KDM4C: variants seen among roughly 807,000 people sequenced by gnomAD.
KDM4C encodes lysine demethylase 4C, also known as lysine-specific demethylase 4C.
Under a neutral mutation model 129.3 loss-of-function variants are expected in KDM4C, and 81 were observed. That is an observed-to-expected ratio of 0.63 (90% CI 0.52 to 0.75). The LOEUF (loss-of-function observed/expected upper bound fraction) is 0.75. Among genes scored for constraint, KDM4C ranks in the 30% least tolerant of loss-of-function variants. KDM4C has a pLI of 0.00. For missense variants in KDM4C, 1,457 were observed against 1,304.0 expected (o/e 1.12, Z -1.81); for synonymous variants, 573 against 456.1 (o/e 1.26, Z -3.26).
intron 17 of KDM4C, among the ~76,000 whole-genome samples, chr9:7,071,466 A>G (rs1471678798): frequency 6.6e-6 from 1 of 152,162 alleles, no homozygotes; most frequent in Non-Finnish European, 1.5e-5. Flanking sequence ...AAGAATAGAA[A>G]TTTCAGGACT....
chr9:7,098,802 G>A (rs1836746081), intron 17 of KDM4C, among the ~76,000 whole-genome samples: 1 of 152,138 alleles, frequency 6.6e-6, no homozygotes. Flanking sequence ...CCTCTTTACT[G>A]TAGAACTCAG....
At chr9:6,762,289 C>T (rs1184945824) in intron 1 of KDM4C, among the ~76,000 whole-genome samples, 4 of 151,904 alleles carry the variant, frequency 2.6e-5, no homozygotes, top group East Asian at 3.9e-4. Context: ...TGATGTTCCC[C>T]TCCCTGTGTC....
At chr9:6,806,033 C>T (rs924837944) in intron 3 of KDM4C, among the ~76,000 whole-genome samples, 4 of 152,012 alleles carry the variant, frequency 2.6e-5, no homozygotes, top group East Asian at 1.9e-4. Context: ...CATGAGTTTT[C>T]GTTTCTACAC....
At chr9:6,949,961 G>A (rs920278455) in intron 8 of KDM4C, among the ~76,000 whole-genome samples, 1 of 151,452 alleles carries the variant, frequency 6.6e-6, no homozygotes, top group Admixed American at 6.6e-5. Flanking sequence ...TAAGGCTCAA[G>A]TATAACTAGC....
At chr9:6,883,803 G>A (rs1249224062) in intron 6 of KDM4C, among the ~76,000 whole-genome samples, 3 of 152,088 alleles carry the variant, frequency 2.0e-5, no homozygotes, top group African/African-American at 7.2e-5. Context: ...ACTCTGACCA[G>A]TTTGATCCCA....
chr9:7,137,406 C>T (rs1841326932), intron 19 of KDM4C, among the ~76,000 whole-genome samples: 1 of 152,228 alleles, frequency 6.6e-6, no homozygotes, highest in East Asian at 1.9e-4. Flanking sequence ...ATGTCACTAT[C>T]ACTTCACATC....
chr9:7,034,424 T>G (rs1827289789), intron 15 of KDM4C, among the ~76,000 whole-genome samples: 1 of 152,236 alleles, frequency 6.6e-6, no homozygotes, highest in Admixed American at 6.5e-5. Flanking sequence ...TCAACTTGTT[T>G]CAGCATCCAC....
chr9:7,151,440 C>G (rs1842717449), intron 19 of KDM4C, among the ~76,000 whole-genome samples: 1 of 152,050 alleles, frequency 6.6e-6, no homozygotes. Flanking sequence ...ACCTGTAATC[C>G]CAGCACTTCG....
At chr9:6,800,262 G>A (rs968120112) in intron 2 of KDM4C, among the ~76,000 whole-genome samples, 6 of 152,140 alleles carry the variant, frequency 3.9e-5, no homozygotes, top group Non-Finnish European at 7.3e-5. Flanking sequence ...AGCTCCTTGG[G>A]AGGCTGGGAC....
intron 4 of KDM4C, among the ~76,000 whole-genome samples, chr9:6,840,818 G>C (rs1234986092): frequency 6.6e-6 from 1 of 152,172 alleles, no homozygotes; most frequent in Non-Finnish European, 1.5e-5. Context: ...CCCACCTCTT[G>C]TTTCTTTCCA....
chr9:6,731,271 A>C (rs1192000071), intron 1 of KDM4C, among the ~76,000 whole-genome samples: 1 of 151,890 alleles, frequency 6.6e-6, no homozygotes, highest in Non-Finnish European at 1.5e-5. Context: ...AGTTTCCTTA[A>C]AGTCTTCATT....
intron 5 of KDM4C, among the ~76,000 whole-genome samples, chr9:6,858,028 T>A (rs1176775495): frequency 6.7e-6 from 1 of 148,814 alleles, no homozygotes; most frequent in Admixed American, 6.8e-5. Flanking sequence ...CAGTCATAGC[T>A]CATTGTAGCC....
intron 5 of KDM4C, among the ~76,000 whole-genome samples, chr9:6,863,188 A>G (rs1024401683): frequency 5.3e-5 from 8 of 151,268 alleles, no homozygotes; most frequent in African/African-American, 1.9e-4. Flanking sequence ...CCATGTTTTG[A>G]TTTTTTGTTT....
chr9:6,833,127 G>A (rs1046905663), intron 4 of KDM4C, among the ~76,000 whole-genome samples: 2 of 151,724 alleles, frequency 1.3e-5, no homozygotes, highest in Non-Finnish European at 2.9e-5. Context: ...TTTAGTATAT[G>A]TTGAGATAAT....
At chr9:7,170,172 C>T in intron 21 of KDM4C, 1 of 1,282,844 alleles carries the variant, frequency 7.8e-7, no homozygotes, top group Non-Finnish European at 1.0e-6. Context: ...AATGTGTGCT[C>T]TGTGTAAAAC....
chr9:7,047,778 G>T (rs1282561760), intron 16 of KDM4C, among the ~76,000 whole-genome samples: 2 of 151,898 alleles, frequency 1.3e-5, no homozygotes, highest in African/African-American at 2.4e-5. Flanking sequence ...ATCCCTATAA[G>T]GCAGTAATAA....
intron 1 of KDM4C, among the ~76,000 whole-genome samples, chr9:6,728,534 AAAACAAAC>A (rs1341241684): frequency 1.8e-4 from 28 of 151,644 alleles, no homozygotes; most frequent in Non-Finnish European, 7.4e-5. Flanking sequence ...CTACTCTGAA[AAAACAAAC>A]AAACAAAAAA....
intron 15 of KDM4C, among the ~76,000 whole-genome samples, chr9:7,034,851 A>G (rs1332003304): frequency 2.0e-5 from 3 of 152,122 alleles, no homozygotes; most frequent in Non-Finnish European, 4.4e-5. Flanking sequence ...ACTTTTTGTC[A>G]TTTAATAATA....
intron 21 of KDM4C, among the ~76,000 whole-genome samples, chr9:7,172,036 C>G (rs770786085): frequency 2.0e-5 from 3 of 152,186 alleles, no homozygotes; most frequent in Non-Finnish European, 4.4e-5. Flanking sequence ...TGGGTTGGTA[C>G]ATAGCCCTCA....
Sources: allele counts gnomAD v4.1 joint callset (sites outside exome capture counted in the v4.1 genomes callset), GRCh38; gene constraint gnomAD v4.1.1; transcripts MANE v1.5; gene names NCBI Gene and HGNC (gene_info 2026-07-23, HGNC 2026-07-21).